Variants in HERC1 observed in about 807,000 individuals in gnomAD.
HERC1 encodes HECT and RLD domain containing E3 ubiquitin protein ligase family member 1.
In HERC1, 160 loss-of-function variants were observed where a neutral mutation model predicts 554.3. The observed-to-expected ratio is 0.29, with a 90% CI of 0.25 to 0.33. The LOEUF is 0.33. Ranked by LOEUF, HERC1 falls within the 10% of genes least tolerant of loss-of-function variation. HERC1 has a pLI of 1.00. For synonymous variants in HERC1, 2,175 were observed against 2,131.7 expected (o/e 1.02, Z -0.56); for missense variants, 4,919 against 5,918.5 (o/e 0.83, Z 5.54).
intron 76 of HERC1, among the ~76,000 whole-genome samples, chr15:63,613,292 T>C (rs186251848): frequency 6.6e-6 from 1 of 152,364 alleles, no homozygotes; most frequent in African/African-American, 2.4e-5. Flanking sequence ...TACCCTGCTC[T>C]GTTCTCTTAG....
At position 63,608,898 on chromosome 15, in the gene HERC1, A is replaced by G. The variant is rs2067475431; in HGVS notation, c.*183T>C. 1 of 503,288 alleles carries G rather than the reference A, an allele frequency of 2.0e-6. No homozygotes were observed. The highest frequency in any genetic ancestry group is 5.1e-5 in the South Asian group (1 of 19,750). 31.2% of individuals were successfully genotyped at this position (503,288 alleles called of 1,614,324 possible). A position where few individuals can be genotyped will look rare whatever the true frequency, so the allele number is the denominator to read the frequency against. ...ACTTCGTTTTTGTTGTTTTTGTACA[A>G]TCACAGAAAAATAAAAACATCTAAT... On this transcript the variant is annotated 3_prime_UTR_variant, in exon 78 of 78. Transcript: ENST00000443617.
intron 19 of HERC1, among the ~76,000 whole-genome samples, 157 bp from the exon 20 acceptor site, chr15:63,719,054 C>T (rs150678107): frequency 2.6e-5 from 4 of 152,182 alleles, no homozygotes; most frequent in South Asian, 2.1e-4. Flanking sequence ...CTGTTCCAAG[C>T]GCTGTGGATA....
intron 1 of HERC1, among the ~76,000 whole-genome samples, chr15:63,792,502 T>C (rs1451305867): frequency 1.3e-5 from 2 of 152,250 alleles, no homozygotes; most frequent in African/African-American, 4.8e-5. Context: ...TCCAGGAGTT[T>C]GGAGTATCCC....
intron 1 of HERC1, among the ~76,000 whole-genome samples, chr15:63,776,693 T>C (rs760449240): frequency 7.9e-5 from 12 of 152,168 alleles, no homozygotes; most frequent in Admixed American, 1.3e-4. Flanking sequence ...GGGCTGGGCA[T>C]GGTGGCTCAC....
intron 12 of HERC1, among the ~76,000 whole-genome samples, chr15:63,737,547 A>C (rs111747714): frequency 0.11 from 4,519 of 39,660 alleles, 446 homozygotes; most frequent in Non-Finnish European, 0.18. Flanking sequence ...ATATATATAT[A>C]TCTTTTTTTT....
chr15:63,828,760 C>T (rs190163285), intron 1 of HERC1, among the ~76,000 whole-genome samples: 2 of 151,970 alleles, frequency 1.3e-5, no homozygotes, highest in Non-Finnish European at 2.9e-5. Flanking sequence ...CAAAATGGAA[C>T]AGTAACAATA....
At position 63,829,561 on chromosome 15, in the gene HERC1, G is replaced by GTGTGTGTATA. The variant is rs1220043639; in HGVS notation, c.-27+4265_-27+4266insTATACACACA. Reference sequence around the variant, plus strand: ...TATATGTATGTGTGTGTGTGTGTGTGTATATATATATATATATATATATAT... The same window carrying GTGTGTGTATA: ...TATATGTATGTGTGTGTGTGTGTGTGTGTGTGTATATATATATATATATATATATATATAT... On this transcript the variant is annotated intron_variant, in intron 1 of 77. Coordinates refer to ENST00000443617, the MANE Select transcript of HERC1 (RefSeq NM_003922.4). Among the ~76,000 whole-genome samples, 695 of 81,624 alleles carry GTGTGTGTATA rather than the reference G, an allele frequency of 8.5e-3. 8 individuals are homozygous for GTGTGTGTATA. Among genetic ancestry groups the GTGTGTGTATA allele is most frequent in the East Asian group, 0.017 (62 of 3,746 alleles). The allele number at this position is 81,624 out of a possible 152,430, so 53.5% of individuals were successfully genotyped here.
At position 63,680,710 on chromosome 15, in the gene HERC1, G is replaced by A; in HGVS notation, c.6292C>T (p.His2098Tyr). The A allele has an allele frequency of 2.5e-6, 4 of 1,613,396 alleles. No homozygotes were observed. Among genetic ancestry groups the A allele is most frequent in the Non-Finnish European group, 3.4e-6 (4 of 1,179,374 alleles). ...GAGGTAGTGCGGTGATTAAAGTCAT[G>A]TACTGGCCAGCGAGAAACTCCAACA... is the stretch of plus-strand genomic sequence containing the variant. ...TCVGVSRWPV[H>Y]DFNHRTTSDM... Residue 2098 changes from histidine (H) to tyrosine (Y), a missense_variant, in exon 35 of 78, where the codon CAT (histidine) becomes TAT (tyrosine). His to Tyr is a moderately conservative substitution (Grantham distance 83, BLOSUM62 2). Coordinates refer to ENST00000443617, the MANE Select transcript of HERC1 (RefSeq NM_003922.4). This position sits in a 1 kb window ranked among gnomAD's most constrained non-coding sequence, Gnocchi z 5.8.
chr15:63,745,130 C>A (rs1168143151), intron 12 of HERC1, among the ~76,000 whole-genome samples: 1 of 152,126 alleles, frequency 6.6e-6, no homozygotes, highest in Non-Finnish European at 1.5e-5. Context: ...ATCTAAGACA[C>A]AAGACAAAGT....
At chr15:63,741,377 T>G (rs1489060517) in intron 12 of HERC1, among the ~76,000 whole-genome samples, 1 of 150,914 alleles carries the variant, frequency 6.6e-6, no homozygotes, top group Non-Finnish European at 1.5e-5. Context: ...CAGGCTGGAG[T>G]GCAATGGTGT....
intron 14 of HERC1, among the ~76,000 whole-genome samples, chr15:63,731,300 AGTT>A (rs1358634406): frequency 6.6e-6 from 1 of 152,198 alleles, no homozygotes; most frequent in Non-Finnish European, 1.5e-5. Flanking sequence ...CCTTGCTCTA[AGTT>A]GTTAATTAGG....
At chr15:63,693,928 C>G (rs1484998537) in intron 30 of HERC1, 36 bp downstream of exon 30, 4 of 1,533,484 alleles carry the variant, frequency 2.6e-6, no homozygotes, top group Non-Finnish European at 3.5e-6. Flanking sequence ...TTAATAAATG[C>G]TTGTAAGTAA....
At chr15:63,814,202 A>G (rs918745421) in intron 1 of HERC1, among the ~76,000 whole-genome samples, 22 of 152,218 alleles carry the variant, frequency 1.4e-4, no homozygotes, top group African/African-American at 5.1e-4. Context: ...TAATTTAACA[A>G]TGATTATTCT....
At chr15:63,806,578 G>A (rs550369220) in intron 1 of HERC1, among the ~76,000 whole-genome samples, 1 of 152,112 alleles carries the variant, frequency 6.6e-6, no homozygotes, top group African/African-American at 2.4e-5. Context: ...CTACTCTTTT[G>A]TCCCTTTCAG....
rs1566985031 is a variant in HERC1, at chr15:63,662,027, C to T, written c.8902-6G>A. On this transcript the variant is annotated splice_region_variant and splice_polypyrimidine_tract_variant and intron_variant, in intron 44 of 77. Coordinates refer to ENST00000443617, the MANE Select transcript of HERC1 (RefSeq NM_003922.4). The stretch of plus-strand genomic sequence containing the variant: ...TCTTCAGACTCACAAACATGCTGCA[C>T]AAAAGGATTTCATACCAAATGATTA... 2 of 1,606,450 alleles carry T rather than the reference C, an allele frequency of 1.2e-6. No homozygotes were observed. The highest frequency in any genetic ancestry group is 2.2e-5 in the East Asian group (1 of 44,702).
chr15:63,761,105 T>C (rs1341269135), intron 3 of HERC1, among the ~76,000 whole-genome samples: 1 of 152,154 alleles, frequency 6.6e-6, no homozygotes, highest in African/African-American at 2.4e-5. Flanking sequence ...CATTCAAGAA[T>C]AAAGAGCACA....
At chr15:63,811,697 T>G (rs935742649) in intron 1 of HERC1, among the ~76,000 whole-genome samples, 2 of 150,632 alleles carry the variant, frequency 1.3e-5, no homozygotes, top group African/African-American at 4.9e-5. Context: ...TAGTCCCAGC[T>G]ACTCAGGAGG....
intron 70 of HERC1, among the ~76,000 whole-genome samples, chr15:63,627,233 C>T (rs2068337835): frequency 6.6e-6 from 1 of 152,134 alleles, no homozygotes; most frequent in Non-Finnish European, 1.5e-5. Flanking sequence ...AACAAAATCC[C>T]TATGGGGAAT....
chr15:63,771,592 T>C (rs2075958853), intron 2 of HERC1, among the ~76,000 whole-genome samples: 2 of 151,924 alleles, frequency 1.3e-5, no homozygotes, highest in South Asian at 4.1e-4. Flanking sequence ...CCACCATGCC[T>C]GGCTAATTTT....
Sources: allele counts gnomAD v4.1 joint callset (sites outside exome capture counted in the v4.1 genomes callset), GRCh38; gene constraint gnomAD v4.1.1; non-coding constraint Gnocchi (gnomAD v3.1); transcripts MANE v1.5; gene names NCBI Gene and HGNC (gene_info 2026-07-23, HGNC 2026-07-21).